Variants in PDZD2 observed in about 807,000 individuals in gnomAD.
PDZD2 encodes PDZ domain-containing protein 2.
PDZD2 carries 90 observed loss-of-function variants against 220.7 expected under a neutral mutation model. The ratio of observed to expected loss-of-function variants is 0.41; its 90% confidence interval spans 0.34 to 0.49. The LOEUF (loss-of-function observed/expected upper bound fraction) is 0.49, where lower values mean the gene tolerates loss of function less well. Ranked by LOEUF, PDZD2 falls within the 20% of genes least tolerant of loss-of-function variation. The pLI, the probability that PDZD2 is intolerant of heterozygous loss-of-function variation, is 0.28. For missense variants in PDZD2, 3,174 were observed against 3,608.5 expected, an observed-to-expected ratio of 0.88 and a Z score of 3.08; for synonymous variants, 1,375 against 1,450.5, an observed-to-expected ratio of 0.95 and a Z score of 1.18.
intron 2 of PDZD2, among the ~76,000 whole-genome samples, chr5:31,830,494 T>C (rs1047863319): frequency 2.6e-5 from 4 of 152,026 alleles, no homozygotes; most frequent in Admixed American, 6.6e-5. Flanking sequence ...ATTTTTAACT[T>C]GTATGTTTTA....
chr5:31,969,528 AAAAAAAAC>A (rs1302632061), intron 2 of PDZD2, among the ~76,000 whole-genome samples: 2 of 148,622 alleles, frequency 1.3e-5, no homozygotes, highest in African/African-American at 2.5e-5. Flanking sequence ...AAAAAAAAAA[AAAAAAAAC>A]AATGGATATG....
At chr5:31,692,386 C>A (rs1164135373) in intron 1 of PDZD2, among the ~76,000 whole-genome samples, 1 of 152,256 alleles carries the variant, frequency 6.6e-6, no homozygotes, top group Non-Finnish European at 1.5e-5. Flanking sequence ...TAGCTCCGGC[C>A]TTGGCCAGCC....
chr5:31,783,262 A>T (rs1753161164), intron 1 of PDZD2, among the ~76,000 whole-genome samples: 1 of 149,828 alleles, frequency 6.7e-6, no homozygotes, highest in South Asian at 2.1e-4. Context: ...CTTTCTTTCC[A>T]TTTTTTTTTC....
chr5:31,704,015 CTTCT>C (rs1356537198), intron 1 of PDZD2, among the ~76,000 whole-genome samples: 2 of 143,094 alleles, frequency 1.4e-5, no homozygotes, highest in Non-Finnish European at 3.0e-5. Flanking sequence ...CCTTCCCTTC[CTTCT>C]TTCCTTCCTT....
chr5:31,833,525 C>A (rs1393294756), intron 2 of PDZD2, among the ~76,000 whole-genome samples: 2 of 151,016 alleles, frequency 1.3e-5, no homozygotes, highest in Non-Finnish European at 2.9e-5. Context: ...AGCTCGTAAT[C>A]CGCCCACCTT....
At chr5:32,037,364 T>C (rs978806836) in intron 7 of PDZD2, 22 bp downstream of exon 7, 4 of 1,308,246 alleles carry the variant, frequency 3.1e-6, no homozygotes, top group South Asian at 1.2e-5. Context: ...CTCTACCTGA[T>C]GCAGCCTGTC....
intron 22 of PDZD2, 101 bp downstream of exon 22, chr5:32,097,481 G>A (rs1743833114): frequency 1.3e-6 from 1 of 746,624 alleles, no homozygotes; most frequent in Admixed American, 2.1e-5. Context: ...AGAGATTGCT[G>A]GATTTCATTC....
At chr5:31,694,984 C>T (rs1413372910) in intron 1 of PDZD2, among the ~76,000 whole-genome samples, 3 of 151,932 alleles carry the variant, frequency 2.0e-5, no homozygotes, top group Admixed American at 1.3e-4. Flanking sequence ...ATTAGCCAGG[C>T]GTGGTGGCGT....
At chr5:31,948,325 C>G (rs956472956) in intron 2 of PDZD2, among the ~76,000 whole-genome samples, 5 of 152,088 alleles carry the variant, frequency 3.3e-5, no homozygotes, top group Non-Finnish European at 7.4e-5. Flanking sequence ...CTGCTGCTGC[C>G]GTAGATGGTG....
intron 2 of PDZD2, among the ~76,000 whole-genome samples, chr5:31,939,534 C>A (rs997464765): frequency 2.6e-5 from 4 of 152,142 alleles, no homozygotes; most frequent in Non-Finnish European, 4.4e-5. Context: ...GGGTGAGTAA[C>A]CTCTTCCTCT....
At chr5:31,815,480 G>C (rs1755392113) in intron 2 of PDZD2, among the ~76,000 whole-genome samples, 1 of 152,244 alleles carries the variant, frequency 6.6e-6, no homozygotes, top group South Asian at 2.1e-4. Flanking sequence ...AGTGCCTGCT[G>C]TCTGTCATGT....
chr5:32,085,689 CA>C (rs1423224578), intron 19 of PDZD2, among the ~76,000 whole-genome samples: 2 of 151,870 alleles, frequency 1.3e-5, no homozygotes, highest in East Asian at 3.9e-4. Flanking sequence ...TCAGGTGATC[CA>C]CCCGCCTTGG....
At position 31,710,009 on chromosome 5, in the gene PDZD2, C is replaced by T. The variant is rs1447178016; in HGVS notation, c.-361+70572C>T. Among the ~76,000 whole-genome samples, 5 of 152,152 alleles carry T rather than the reference C, an allele frequency of 3.3e-5. No homozygotes were observed. In the East Asian group the frequency reaches 9.6e-4, roughly 29 times the overall value. Reference sequence around the variant, plus strand: ...TCTCTAAAAACTGGTTGAAAAGGAGCCACTTTTGGAGAGTGTGCACAGGGG... The same window carrying T: ...TCTCTAAAAACTGGTTGAAAAGGAGTCACTTTTGGAGAGTGTGCACAGGGG... On this transcript the variant is annotated intron_variant, in intron 1 of 24. Transcript: ENST00000438447.
intron 1 of PDZD2, among the ~76,000 whole-genome samples, chr5:31,688,118 G>A (rs962609964): frequency 3.9e-5 from 6 of 152,072 alleles, no homozygotes; most frequent in African/African-American, 9.7e-5. Flanking sequence ...GTAGCACCTC[G>A]CAAATAAATT....
chr5:31,692,944 C>G (rs929246554), intron 1 of PDZD2: 5 of 152,390 alleles, frequency 3.3e-5, no homozygotes, highest in African/African-American at 9.6e-5. Flanking sequence ...GCTGTGAATG[C>G]TGCTGTTGTT....
At chr5:31,815,676 G>A (rs1402468763) in intron 2 of PDZD2, among the ~76,000 whole-genome samples, 1 of 152,146 alleles carries the variant, frequency 6.6e-6, no homozygotes, top group Non-Finnish European at 1.5e-5. Flanking sequence ...AGTTTCTCAG[G>A]TTTACTTTGG....
intron 2 of PDZD2, among the ~76,000 whole-genome samples, chr5:31,853,972 G>C (rs1356042618): frequency 2.0e-5 from 3 of 152,152 alleles, no homozygotes; most frequent in Non-Finnish European, 4.4e-5. Context: ...CAGGTGAAAT[G>C]TGTTTTGAGC....
Position 32,101,025 on chromosome 5 carries a change from C to T in PDZD2, c.8219-80C>T, listed in dbSNP as rs1744210292. On this transcript the variant is annotated intron_variant, in intron 23 of 24. Coordinates refer to ENST00000438447, the MANE Select transcript of PDZD2 (RefSeq NM_178140.4). ...TGCCAGAAGTACATGGGGCTGGAGG[C>T]GATGCATCCTGGGGGACTTGGACAT... 8 of 1,592,668 alleles carry T rather than the reference C, an allele frequency of 5.0e-6. No homozygotes were observed. The South Asian group carries it at 6.6e-5, about 13-fold the overall frequency.
intron 1 of PDZD2, among the ~76,000 whole-genome samples, chr5:31,728,885 C>T (rs1351583785): frequency 6.6e-6 from 1 of 152,070 alleles, no homozygotes; most frequent in Non-Finnish European, 1.5e-5. Flanking sequence ...GTCTCTCTCT[C>T]TCTCTGTCAC....
Sources: gnomAD v4.1 joint callset for allele counts (sites outside exome capture counted in the v4.1 genomes callset) on GRCh38, gnomAD v4.1.1 for gene constraint, MANE v1.5 for transcripts, NCBI Gene and HGNC (gene_info 2026-07-23, HGNC 2026-07-21) for gene names.